KAZN: variants seen among roughly 807,000 people sequenced by gnomAD.
KAZN encodes the protein kazrin, periplakin interacting protein.
A neutral mutation model predicts 87.4 loss-of-function variants in KAZN; 40 were observed. That is an observed-to-expected ratio of 0.46 (90% CI 0.36 to 0.60). KAZN has a LOEUF of 0.60. Among genes scored for constraint, KAZN ranks in the 20% least tolerant of loss-of-function variants. KAZN has a pLI of 0.00. For missense variants in KAZN, 898 were observed against 1,073.9 expected, an observed-to-expected ratio of 0.84 and a Z score of 2.29; for synonymous variants, 466 against 458.3, an observed-to-expected ratio of 1.02 and a Z score of -0.22.
chr1:14,347,961 T>C (rs547165248), intron 2 of KAZN, among the ~76,000 whole-genome samples: 3 of 151,538 alleles, frequency 2.0e-5, no homozygotes, highest in Non-Finnish European at 2.9e-5. Context: ...TCTTGACTCA[T>C]TGCAACCTCT....
intron 1 of KAZN, among the ~76,000 whole-genome samples, chr1:14,871,802 A>G (rs964506847): frequency 4.6e-5 from 7 of 151,814 alleles, no homozygotes; most frequent in African/African-American, 1.7e-4. Flanking sequence ...TCACATGCTG[A>G]CCCTTGGAAT....
chr1:14,410,570 T>C (rs1430766810), intron 2 of KAZN, among the ~76,000 whole-genome samples: 3 of 152,084 alleles, frequency 2.0e-5, no homozygotes, highest in African/African-American at 4.8e-5. Context: ...TGTTGCCTGA[T>C]AGGAAAAAGG....
chr1:14,580,188 T>C (rs1030483054), intron 2 of KAZN, among the ~76,000 whole-genome samples: 1 of 152,186 alleles, frequency 6.6e-6, no homozygotes, highest in African/African-American at 2.4e-5. Context: ...CTTTAAAGTA[T>C]ATTGAGGCCA....
chr1:15,103,393 A>G lies in KAZN; in HGVS notation c.1814A>G (p.Gln605Arg). 1 of 1,552,212 alleles carries G rather than the reference A, an allele frequency of 6.4e-7. No homozygotes were observed. Among genetic ancestry groups the G allele is most frequent in the Non-Finnish European group, 8.7e-7 (1 of 1,147,272 alleles). The part of the protein sequence containing the change: ...LQERRARCET[Q>R]NIDPVVWTNQ... ...GAGCGCCGGGCCCGCTGCGAGACGC[A>G]GAACATTGACCCCGTGGTGTGGACC... Residue 605 changes from glutamine (Q) to arginine (R), a missense_variant, in exon 12 of 15, where the codon CAG (glutamine) becomes CGG (arginine). Transcript: ENST00000376030.
chr1:14,792,168 T>C (rs1572492892), intron 1 of KAZN, among the ~76,000 whole-genome samples: 3 of 152,358 alleles, frequency 2.0e-5, no homozygotes, highest in Middle Eastern at 3.4e-3. Context: ...TATTCATTCA[T>C]TCAGTTGGTG....
At chr1:14,291,797 G>C (rs1335581526) in intron 2 of KAZN, among the ~76,000 whole-genome samples, 3 of 152,204 alleles carry the variant, frequency 2.0e-5, no homozygotes, top group Non-Finnish European at 4.4e-5. Context: ...GACCAGAGCT[G>C]TTCCTATTTG....
intron 2 of KAZN, among the ~76,000 whole-genome samples, chr1:14,493,662 A>G (rs1037677596): frequency 1.3e-5 from 2 of 152,194 alleles, no homozygotes; most frequent in African/African-American, 4.8e-5. Flanking sequence ...ATGATATAAT[A>G]TCTCTACGTG....
chr1:14,378,336 G>A (rs920513704), intron 2 of KAZN, among the ~76,000 whole-genome samples: 5 of 152,214 alleles, frequency 3.3e-5, no homozygotes, highest in Admixed American at 3.3e-4. Context: ...AGGAGGAGCA[G>A]AGCAAGCTGG....
chr1:14,568,302 G>A (rs762156889), intron 2 of KAZN, among the ~76,000 whole-genome samples: 26 of 152,126 alleles, frequency 1.7e-4, no homozygotes, highest in African/African-American at 3.6e-4. Context: ...CAACAATCAC[G>A]TCAGCTTGAA....
At chr1:15,065,177 T>TATCA (rs533606421) in intron 7 of KAZN, among the ~76,000 whole-genome samples, 47 of 152,066 alleles carry the variant, frequency 3.1e-4, no homozygotes, top group African/African-American at 1.1e-3. Flanking sequence ...GACAGGTGCC[T>TATCA]ATCACCACAT....
chr1:14,477,330 G>A (rs1668794426), intron 2 of KAZN, among the ~76,000 whole-genome samples: 1 of 152,018 alleles, frequency 6.6e-6, no homozygotes, highest in Non-Finnish European at 1.5e-5. Context: ...CATGGGGACT[G>A]TAAATCCTTT....
At chr1:14,804,208 A>C (rs80091148) in intron 1 of KAZN, among the ~76,000 whole-genome samples, 8,852 of 152,268 alleles carry the variant, frequency 0.058, 355 homozygotes, top group Admixed American at 0.11. Context: ...CTTTATTGCA[A>C]GGAAGAGAGG....
At chr1:14,733,630 C>T (rs1331498764) in intron 1 of KAZN, among the ~76,000 whole-genome samples, 3 of 151,850 alleles carry the variant, frequency 2.0e-5, no homozygotes, top group African/African-American at 7.3e-5. Context: ...TGTTGGAGGC[C>T]CCCGGTTCTC....
intron 3 of KAZN, 79 bp from the exon 4 acceptor site, chr1:15,043,910 A>T: frequency 7.2e-7 from 1 of 1,397,664 alleles, no homozygotes. Context: ...TCTAGGAGTT[A>T]GGCCCCCTCT....
chr1:14,098,747 A>C (rs779366437), intron 1 of KAZN, among the ~76,000 whole-genome samples: 5 of 152,146 alleles, frequency 3.3e-5, no homozygotes, highest in Non-Finnish European at 7.3e-5. Context: ...CAAACATCTC[A>C]TGCATTCCAA....
At chr1:14,975,556 G>C (rs909799203) in intron 2 of KAZN, among the ~76,000 whole-genome samples, 1 of 152,120 alleles carries the variant, frequency 6.6e-6, no homozygotes, top group Admixed American at 6.5e-5. Flanking sequence ...ATAATCTTTA[G>C]ATTTAAGGTA....
chr1:14,422,401 A>G (rs1243087147), intron 2 of KAZN, among the ~76,000 whole-genome samples: 1 of 152,244 alleles, frequency 6.6e-6, no homozygotes, highest in Non-Finnish European at 1.5e-5. Flanking sequence ...CTACGTAGGT[A>G]AAGTATGAGG....
intron 2 of KAZN, among the ~76,000 whole-genome samples, chr1:14,507,925 C>T (rs1670676527): frequency 6.6e-6 from 1 of 151,808 alleles, no homozygotes; most frequent in Non-Finnish European, 1.5e-5. Context: ...CGAGATCGCG[C>T]CACTGCTCTC....
At chr1:13,989,616 C>G (rs1387341870) in intron 1 of KAZN, among the ~76,000 whole-genome samples, 1 of 152,024 alleles carries the variant, frequency 6.6e-6, no homozygotes, top group African/African-American at 2.4e-5. Flanking sequence ...AGTTTTTACT[C>G]TATGTAGTAT....
Sources: allele counts gnomAD v4.1 joint callset (sites outside exome capture counted in the v4.1 genomes callset), GRCh38; gene constraint gnomAD v4.1.1; transcripts MANE v1.5; gene names NCBI Gene and HGNC (gene_info 2026-07-23, HGNC 2026-07-21).